The following IL7R variants were observed in gnomAD, a reference collection of about 807,000 sequenced individuals.
The protein encoded by IL7R is interleukin 7 receptor.
Under a neutral mutation model 47.0 loss-of-function variants are expected in IL7R, and 38 were observed. That is an observed-to-expected ratio of 0.81 (90% CI 0.62 to 1.06). IL7R has a LOEUF of 1.06. Ranked by LOEUF, IL7R falls within the 50% of genes least tolerant of loss-of-function variation. IL7R has a pLI of 0.00. For missense variants in IL7R, 633 were observed against 534.8 expected (o/e 1.18, Z -1.81); for synonymous variants, 221 against 199.8 (o/e 1.11, Z -0.89).
chr5:35,869,212 C>G (rs908003458), intron 3 of IL7R, among the ~76,000 whole-genome samples: 1 of 152,146 alleles, frequency 6.6e-6, no homozygotes, highest in Non-Finnish European at 1.5e-5. Context: ...CCTCACTTCC[C>G]CTTGTTTAAG....
intron 3 of IL7R, among the ~76,000 whole-genome samples, chr5:35,869,598 T>A (rs1481951719): frequency 1.3e-5 from 2 of 152,194 alleles, no homozygotes; most frequent in African/African-American, 4.8e-5. Context: ...GACTATTGTT[T>A]GAAGACAGCA....
chr5:35,869,037 C>G (rs1760008047), intron 3 of IL7R, among the ~76,000 whole-genome samples: 1 of 152,100 alleles, frequency 6.6e-6, no homozygotes, highest in South Asian at 2.1e-4. Context: ...ATGGCAAGCA[C>G]CCCTGGACAA....
Position 35,878,247 on chromosome 5 carries a change from C to G in IL7R, c.*1761C>G, listed in dbSNP as rs1760263597. ...CAATGCCATAATCCCTTAGGTTTGC[C>G]TAGTGCTTTTGCAATTTTCAAAGCA... On this transcript the variant is annotated 3_prime_UTR_variant, in exon 8 of 8. Transcript: ENST00000303115. 4.3e-6 allele frequency: 1 copy of G among 233,102 alleles called. No individual in the cohort carries two copies. Among genetic ancestry groups the G allele is most frequent in the Non-Finnish European group, 8.5e-6 (1 of 118,050 alleles). The allele number at this position is 233,102 out of a possible 1,614,324, so 14.4% of individuals were successfully genotyped here.
At chr5:35,865,112 C>T (rs1208502855) in intron 2 of IL7R, among the ~76,000 whole-genome samples, 1 of 152,124 alleles carries the variant, frequency 6.6e-6, no homozygotes, top group African/African-American at 2.4e-5. Context: ...CCTCCCCCCT[C>T]CTTCCACCTA....
At chr5:35,867,586 A>C in intron 3 of IL7R, 123 bp downstream of exon 3, 1 of 757,570 alleles carries the variant, frequency 1.3e-6, no homozygotes, top group Non-Finnish European at 2.3e-6. Flanking sequence ...ATAATAGCTA[A>C]TTCCCTACTG....
intron 2 of IL7R, among the ~76,000 whole-genome samples, chr5:35,865,480 T>G (rs1759917823): frequency 6.6e-6 from 1 of 152,198 alleles, no homozygotes; most frequent in East Asian, 1.9e-4. Context: ...TACCCAGTAA[T>G]GGGATGGCTG....
rs1760195292 is a variant in IL7R at position 35,875,970 on chromosome 5, T to C, written c.877-13T>C. The C allele has an allele frequency of 6.2e-7, 1 of 1,608,762 alleles. No homozygotes were observed. The highest frequency in any genetic ancestry group is 2.2e-5 in the East Asian group (1 of 44,882). ...GGTGCCATCTTAATACCCTTTCTCC[T>C]TTTTCTGTGCAGAATTTAAATGTGA... On this transcript the variant is annotated splice_polypyrimidine_tract_variant and intron_variant, in intron 7 of 7. Transcript: ENST00000303115.
intron 3 of IL7R, among the ~76,000 whole-genome samples, chr5:35,868,377 T>C (rs1759991509): frequency 1.3e-5 from 2 of 152,248 alleles, no homozygotes; most frequent in Admixed American, 1.3e-4. Flanking sequence ...AGCTCAGCTT[T>C]GTCTCAGTTT....
intron 3 of IL7R, 167 bp downstream of exon 3, chr5:35,867,630 T>C (rs1759972596): frequency 4.3e-6 from 3 of 693,116 alleles, no homozygotes; most frequent in Non-Finnish European, 5.1e-6. Context: ...GCTTGAAATT[T>C]ATACTTTCCT....
intron 2 of IL7R, among the ~76,000 whole-genome samples, chr5:35,862,468 A>G (rs551023772): frequency 6.6e-6 from 1 of 152,268 alleles, no homozygotes; most frequent in East Asian, 1.9e-4. Context: ...GTCATATTGT[A>G]ATCTGTCCAG....
Position 35,875,952 on chromosome 5 carries a change from T to C in IL7R, c.877-31T>C, listed in dbSNP as rs748378478. 3 of 1,604,920 alleles carry C rather than the reference T, an allele frequency of 1.9e-6. No homozygotes were observed. In the South Asian group the frequency reaches 3.3e-5, roughly 18 times the overall value. ...TTGATGGTGTGTCTCTCTGGTGCCA[T>C]CTTAATACCCTTTCTCCTTTTTCTG... On this transcript the variant is annotated intron_variant, in intron 7 of 7. Coordinates refer to ENST00000303115, the MANE Select transcript of IL7R (RefSeq NM_002185.5).
At chr5:35,874,871 C>T (rs973387744) in intron 6 of IL7R, among the ~76,000 whole-genome samples, 2 of 152,184 alleles carry the variant, frequency 1.3e-5, no homozygotes, top group African/African-American at 4.8e-5. Context: ...TGACTTTAAG[C>T]ATATAAATTC....
chr5:35,868,281 C>T (rs1759989267), intron 3 of IL7R, among the ~76,000 whole-genome samples: 1 of 152,134 alleles, frequency 6.6e-6, no homozygotes, highest in African/African-American at 2.4e-5. Context: ...TTTAGCATTC[C>T]CTATTCGCTC....
intron 3 of IL7R, among the ~76,000 whole-genome samples, chr5:35,869,946 A>C (rs1427780498): frequency 6.6e-6 from 1 of 152,200 alleles, no homozygotes; most frequent in African/African-American, 2.4e-5. Context: ...ACTACGAATA[A>C]GTGACTACAA....
intron 1 of IL7R, among the ~76,000 whole-genome samples, chr5:35,859,956 T>G (rs1580850828): frequency 1.4e-5 from 1 of 72,224 alleles, no homozygotes; most frequent in Non-Finnish European, 2.7e-5. Flanking sequence ...CAGCCTCACT[T>G]TCTATCATGT....
rs1456078636 is a variant in IL7R, at chr5:35,877,827, A to G, written c.*1341A>G. On this transcript the variant is annotated 3_prime_UTR_variant, in exon 8 of 8. Transcript: ENST00000303115. ...CTAATGACTAACTCAAAGTCAAGGCAACTGAGTAATGTCAGCTCAGCAAAG... is the reference window on the plus strand; with the variant it reads ...CTAATGACTAACTCAAAGTCAAGGCGACTGAGTAATGTCAGCTCAGCAAAG... 1 of 233,180 alleles carries G rather than the reference A, an allele frequency of 4.3e-6. No homozygotes were observed. The highest frequency in any genetic ancestry group is 8.5e-6 in the Non-Finnish European group (1 of 118,086). The allele number at this position is 233,180 out of a possible 1,614,324, so 14.4% of individuals were successfully genotyped here.
rs1760223313 is a variant in IL7R, at chr5:35,876,555, C to T, written c.*69C>T. 2 of 1,536,970 alleles carry T rather than the reference C, an allele frequency of 1.3e-6. No individual in the cohort carries two copies. Among genetic ancestry groups the T allele is most frequent in the East Asian group, 2.3e-5 (1 of 44,244 alleles). ...GATTTAAAAGGGAAGTCTAGAGTTCCTAGTCTCCCTCACAGCACAGAGAAG... is the reference window on the plus strand; with the variant it reads ...GATTTAAAAGGGAAGTCTAGAGTTCTTAGTCTCCCTCACAGCACAGAGAAG... On this transcript the variant is annotated 3_prime_UTR_variant, in exon 8 of 8. Transcript: ENST00000303115.
rs1388283799 is a variant in IL7R at position 35,876,515 on chromosome 5, G to A, written c.*29G>A. 14 of 1,598,896 alleles carry A rather than the reference G, an allele frequency of 8.8e-6. No homozygotes were observed. The highest frequency in any genetic ancestry group is 3.3e-5 in the Admixed American group (2 of 59,992). On this transcript the variant is annotated 3_prime_UTR_variant, in exon 8 of 8. Transcript: ENST00000303115. ...GTAAGAAACCCAGACTGAACTTACC[G>A]TGAGCGACAAAGATGATTTAAAAGG...
At position 35,873,609 on chromosome 5, in the gene IL7R, A is replaced by G; in HGVS notation, c.667A>G (p.Ser223Gly). Residue 223 changes from serine to glycine, a missense_variant, in exon 5 of 8, where the codon AGT becomes GGT. By Grantham distance (56) the Ser-to-Gly change is moderately conservative (BLOSUM62 0). Transcript: ENST00000303115. ...AGGCTTCTGGAGTGAATGGAGTCCA[A>G]GTTATTACTTCAGAACTCCAGAGAT... ...FKGFWSEWSP[S>G]YYFRTPEINN... 1 of 1,614,080 alleles carries G rather than the reference A, an allele frequency of 6.2e-7. No individual in the cohort carries two copies. The highest frequency in any genetic ancestry group is 8.5e-7 in the Non-Finnish European group (1 of 1,179,918).
Sources: allele counts gnomAD v4.1 joint callset (sites outside exome capture counted in the v4.1 genomes callset), GRCh38; gene constraint gnomAD v4.1.1; transcripts MANE v1.5; gene names NCBI Gene and HGNC (gene_info 2026-07-23, HGNC 2026-07-21).